Variants in NR5A2 observed in about 807,000 individuals in gnomAD.
NR5A2 encodes nuclear receptor subfamily 5 group A member 2.
Under a neutral mutation model 62.7 loss-of-function variants are expected in NR5A2, and 26 were observed. That is an observed-to-expected ratio of 0.41 (90% CI 0.30 to 0.58). NR5A2 has a LOEUF of 0.58. Among genes scored for constraint, NR5A2 ranks in the 20% least tolerant of loss-of-function variants. The pLI is 0.22. For missense variants in NR5A2, 541 were observed against 669.1 expected (o/e 0.81, Z 2.11); for synonymous variants, 246 against 241.7 (o/e 1.02, Z -0.16).
In NR5A2 at chr1:200,120,892, C is replaced by T. The variant is rs762506535; in HGVS notation, c.1315C>T (p.Arg439Cys). Residue 439 changes from arginine (R) to cysteine (C), a missense_variant, in exon 7 of 8, where the codon CGT becomes TGT. Arg to Cys is a radical substitution (Grantham distance 180). Around this residue, in one of 3 missense-constraint regions of NR5A2, gnomAD observed 379 missense variants for 442.0 expected, o/e 0.86. Transcript: ENST00000367362. ...SHAQELVAKL[R>C]SLQFDQREFV... is the part of the protein sequence containing the mutation. ...TGCACAGGAGTTAGTGGCAAAACTT[C>T]GTTCTCTCCAGTTTGATCAACGAGA... is the stretch of plus-strand genomic sequence containing the variant. 10 of 1,612,700 alleles carry T rather than the reference C, an allele frequency of 6.2e-6. No homozygotes were observed. The highest frequency in any genetic ancestry group is 3.3e-5 in the South Asian group (3 of 90,738).
At chr1:200,034,931 A>G (rs536756486) in intron 1 of NR5A2, among the ~76,000 whole-genome samples, 1 of 152,140 alleles carries the variant, frequency 6.6e-6, no homozygotes, top group Non-Finnish European at 1.5e-5. Context: ...TTTCTAATAC[A>G]AAGCGCTCGG....
chr1:200,092,167 T>TA (rs1664849849), intron 5 of NR5A2, among the ~76,000 whole-genome samples: 4 of 152,282 alleles, frequency 2.6e-5, no homozygotes, highest in Middle Eastern at 6.8e-3. Flanking sequence ...ACACCTTTAG[T>TA]AAAAAACAAA....
intron 1 of NR5A2, among the ~76,000 whole-genome samples, chr1:200,035,992 CG>C (rs1244931227): frequency 1.3e-5 from 2 of 152,134 alleles, no homozygotes; most frequent in African/African-American, 4.8e-5. Context: ...ATTCCCGCAG[CG>C]GTAAGTACGG....
Position 200,173,937 on chromosome 1 carries a change from T to C in NR5A2, c.1379-26T>C, listed in dbSNP as rs1654298753. The C allele has an allele frequency of 1.2e-4, 5 of 40,976 alleles. No homozygotes were observed. In the East Asian group the frequency reaches 2.6e-3, roughly 21 times the overall value. The allele number at this position is 40,976 out of a possible 1,614,324, so 2.5% of individuals were successfully genotyped here. The stretch of plus-strand genomic sequence containing the variant: ...AATTGAAATGCTATTGAAATGTTGC[T>C]TTTTTTTTTTTTTTTTTTAATGCAG... On this transcript the variant is annotated intron_variant, in intron 7 of 7. Transcript: ENST00000367362.
At chr1:200,108,053 C>G (rs1217237232) in intron 5 of NR5A2, among the ~76,000 whole-genome samples, 1 of 150,516 alleles carries the variant, frequency 6.6e-6, no homozygotes, top group African/African-American at 2.5e-5. Context: ...GAGGAAGACC[C>G]CTTGATGAGA....
At chr1:200,038,008 G>A (rs570842395) in intron 1 of NR5A2, among the ~76,000 whole-genome samples, 1 of 152,334 alleles carries the variant, frequency 6.6e-6, no homozygotes, top group African/African-American at 2.4e-5. Context: ...TCACCCCCTT[G>A]TGGGTGGACT....
At chr1:200,045,148 T>A (rs866584746) in intron 3 of NR5A2, among the ~76,000 whole-genome samples, 8 of 152,020 alleles carry the variant, frequency 5.3e-5, no homozygotes, top group South Asian at 2.1e-4. Flanking sequence ...TAAAAAAAAA[T>A]TTATCTATAT....
chr1:200,050,229 T>C lies in NR5A2; in HGVS notation c.1110+1411T>C, dbSNP rs190559389. On this transcript the variant is annotated intron_variant, in intron 5 of 7. Transcript: ENST00000367362. ...AAACCATGCAAACACTTTCCTGATATTCTTACATTCAAAACTGTGTCCTTA... is the reference window on the plus strand; with the variant it reads ...AAACCATGCAAACACTTTCCTGATACTCTTACATTCAAAACTGTGTCCTTA... 1.3e-3 allele frequency among the ~76,000 whole-genome samples: 195 copies of C among 152,356 alleles called. 1 individual carries two copies. Among genetic ancestry groups the C allele is most frequent in the African/African-American group, 4.5e-3 (189 of 41,580 alleles).
chr1:200,088,560 C>A (rs919794485), intron 5 of NR5A2, among the ~76,000 whole-genome samples: 1 of 152,122 alleles, frequency 6.6e-6, no homozygotes, highest in African/African-American at 2.4e-5. Context: ...CCTGACCGCC[C>A]AGCCCCTTGT....
chr1:200,071,495 A>T (rs780579498), intron 5 of NR5A2, among the ~76,000 whole-genome samples: 1 of 152,200 alleles, frequency 6.6e-6, no homozygotes, highest in South Asian at 2.1e-4. Flanking sequence ...GTTTCATTAC[A>T]CTTGAGTATA....
At chr1:200,162,487 G>A (rs1403554227) in intron 7 of NR5A2, among the ~76,000 whole-genome samples, 1 of 152,182 alleles carries the variant, frequency 6.6e-6, no homozygotes, top group African/African-American at 2.4e-5. Context: ...TTAACCCAGG[G>A]TAGTGGGGTG....
chr1:200,148,516 T>C (rs1667829233), intron 7 of NR5A2, among the ~76,000 whole-genome samples: 2 of 152,022 alleles, frequency 1.3e-5, no homozygotes, highest in South Asian at 4.1e-4. Flanking sequence ...TCTCACAAAC[T>C]CAGACTCTAG....
At position 200,175,400 on chromosome 1, in the gene NR5A2, G is replaced by A. The variant is rs572643464; in HGVS notation, c.*1190G>A. 2.6e-5 allele frequency: 4 copies of A among 152,786 alleles called. No individual in the cohort carries two copies. Among genetic ancestry groups the A allele is most frequent in the Admixed American group, 2.6e-4 (4 of 15,306 alleles). The allele number at this position is 152,786 out of a possible 1,614,324, so 9.5% of individuals were successfully genotyped here. A position where few individuals can be genotyped will look rare whatever the true frequency, so the allele number is the denominator to read the frequency against. ...CTTCCCCAAAGGGGAAAGGAAGAGA[G>A]TGATACTGACCTTTTTAAGTCATAG... On this transcript the variant is annotated 3_prime_UTR_variant, in exon 8 of 8. Coordinates refer to ENST00000367362, the MANE Select transcript of NR5A2 (RefSeq NM_205860.3).
At chr1:200,046,628 T>C (rs772095466) in intron 4 of NR5A2, among the ~76,000 whole-genome samples, 6 of 152,204 alleles carry the variant, frequency 3.9e-5, no homozygotes, top group Non-Finnish European at 8.8e-5. Context: ...TTGGTTATTA[T>C]GAGGACTGTT....
rs1665989379 is a variant in NR5A2 at position 200,112,276 on chromosome 1, AC to A, written c.1230+957del. On this transcript the variant is annotated intron_variant, in intron 6 of 7. Coordinates refer to ENST00000367362, the MANE Select transcript of NR5A2 (RefSeq NM_205860.3). ...TCTTTGGAGAGAGTCTACTTAATAG[AC>A]CTAACTGCAACTTTACAGGAATTTA... is the stretch of plus-strand genomic sequence containing the variant. 2.0e-5 allele frequency among the ~76,000 whole-genome samples: 3 copies of A among 152,082 alleles called. No homozygotes were observed. In the South Asian group the frequency reaches 6.2e-4, roughly 32 times the overall value.
chr1:200,085,380 C>T (rs1664475560), intron 5 of NR5A2, among the ~76,000 whole-genome samples: 1 of 152,174 alleles, frequency 6.6e-6, no homozygotes, highest in Admixed American at 6.5e-5. Flanking sequence ...GCACAAGGCA[C>T]TGGCTATACA....
In NR5A2 at chr1:200,169,835, T is replaced by C. The variant is rs78511502; in HGVS notation, c.1379-4128T>C. Among the ~76,000 whole-genome samples, 1,017 of 152,360 alleles carry C rather than the reference T, an allele frequency of 6.7e-3. 6 individuals carry two copies. Among genetic ancestry groups the C allele is most frequent in the African/African-American group, 0.023 (961 of 41,582 alleles). ...GATAGGGTTTATTAACTGGTGTTTT[T>C]AAATTGTATGAAAATGAAGCTTATA... On this transcript the variant is annotated intron_variant, in intron 7 of 7. Coordinates refer to ENST00000367362, the MANE Select transcript of NR5A2 (RefSeq NM_205860.3).
chr1:200,077,951 A>G (rs987543735), intron 5 of NR5A2, among the ~76,000 whole-genome samples: 1 of 152,158 alleles, frequency 6.6e-6, no homozygotes, highest in Non-Finnish European at 1.5e-5. Flanking sequence ...TCCCAGAAAA[A>G]TGCATAAAAC....
chr1:200,070,972 G>C (rs985739553), intron 5 of NR5A2, among the ~76,000 whole-genome samples: 1 of 152,192 alleles, frequency 6.6e-6, no homozygotes, highest in Non-Finnish European at 1.5e-5. Context: ...TTATAAGAGA[G>C]AGTAAAAATG....
Sources: gnomAD v4.1 joint callset for allele counts (sites outside exome capture counted in the v4.1 genomes callset) on GRCh38, gnomAD v4.1.1 for gene constraint, gnomAD v4.1.1 regional missense constraint, MANE v1.5 for transcripts, NCBI Gene and HGNC (gene_info 2026-07-23, HGNC 2026-07-21) for gene names.